Variants in NR2F1-AS1 observed in about 807,000 individuals in gnomAD.
NR2F1-AS1 encodes the protein NR2F1 regulatory antisense RNA 1.
intron 4 of NR2F1-AS1, among the ~76,000 whole-genome samples, chr5:93,464,627 G>A (rs1488482659): frequency 6.6e-6 from 1 of 152,128 alleles, no homozygotes; most frequent in African/African-American, 2.4e-5. Flanking sequence ...ATTTTAGTAG[G>A]AATATTCAGA....
intron 4 of NR2F1-AS1, among the ~76,000 whole-genome samples, chr5:93,490,717 T>G (rs1750820738): frequency 6.6e-6 from 1 of 150,894 alleles, no homozygotes; most frequent in African/African-American, 2.4e-5. Context: ...ATGGTGGTGG[T>G]GGTTGTTCCT....
chr5:93,515,533 A>G (rs912993697), intron 4 of NR2F1-AS1, among the ~76,000 whole-genome samples: 1 of 151,968 alleles, frequency 6.6e-6, no homozygotes, highest in Non-Finnish European at 1.5e-5. Flanking sequence ...TTTGATTAAC[A>G]TCTATCTCTT....
chr5:93,530,359 G>C (rs867869778), intron 4 of NR2F1-AS1, among the ~76,000 whole-genome samples: 1 of 152,148 alleles, frequency 6.6e-6, no homozygotes, highest in African/African-American at 2.4e-5. Flanking sequence ...TGGGATTGCA[G>C]GCGATTTGAA....
At chr5:93,510,561 G>A (rs903725292) in intron 4 of NR2F1-AS1, among the ~76,000 whole-genome samples, 12 of 152,062 alleles carry the variant, frequency 7.9e-5, no homozygotes, top group Non-Finnish European at 1.5e-4. Flanking sequence ...AGCTTTTTGT[G>A]ACTTTTAATG....
At chr5:93,523,265 C>T (rs1261390788) in intron 4 of NR2F1-AS1, among the ~76,000 whole-genome samples, 1 of 152,130 alleles carries the variant, frequency 6.6e-6, no homozygotes, top group Admixed American at 6.5e-5. Flanking sequence ...CAAGGCAGTA[C>T]AGCAAAGCCA....
intron 4 of NR2F1-AS1, among the ~76,000 whole-genome samples, chr5:93,494,244 G>A (rs1456007987): frequency 6.6e-6 from 1 of 152,152 alleles, no homozygotes; most frequent in East Asian, 1.9e-4. Context: ...GTAAGCACAT[G>A]AAAAGATGTT....
At chr5:93,574,575 G>A (rs1752850928) in intron 1 of NR2F1-AS1, among the ~76,000 whole-genome samples, 1 of 152,102 alleles carries the variant, frequency 6.6e-6, no homozygotes, top group African/African-American at 2.4e-5. Context: ...GGAGTGATTC[G>A]TGGAAAGAAA....
chr5:93,478,405 T>A (rs1750531413), intron 4 of NR2F1-AS1, among the ~76,000 whole-genome samples: 1 of 152,092 alleles, frequency 6.6e-6, no homozygotes. Context: ...TTTTTGTTTG[T>A]TTGTTTTTTG....
chr5:93,562,801 C>G (rs898967232), intron 2 of NR2F1-AS1, among the ~76,000 whole-genome samples: 2 of 152,106 alleles, frequency 1.3e-5, no homozygotes, highest in African/African-American at 4.8e-5. Flanking sequence ...TTATCTACTC[C>G]ACATGCCTTA....
At chr5:93,581,662 GTCTCGGTCTCTCTCTC>G (rs1753038038), upstream of NR2F1-AS1, among the ~76,000 whole-genome samples, 4 of 91,804 alleles carry the variant, frequency 4.4e-5, no homozygotes, top group Non-Finnish European at 4.4e-5. Context: ...AGGAATCGGG[GTCTCGGTCTCTCTCTC>G]TCTCTCTCTC....
chr5:93,489,572 A>T (rs1750795234), intron 4 of NR2F1-AS1, among the ~76,000 whole-genome samples: 1 of 152,142 alleles, frequency 6.6e-6, no homozygotes, highest in Non-Finnish European at 1.5e-5. Context: ...TTTCTGAGGT[A>T]TGCCTGTATT....
At chr5:93,461,838 AG>A (rs1750101427) in intron 4 of NR2F1-AS1, among the ~76,000 whole-genome samples, 1 of 152,196 alleles carries the variant, frequency 6.6e-6, no homozygotes, top group African/African-American at 2.4e-5. Context: ...TAATTTTACT[AG>A]ACAAGCTGAG....
chr5:93,568,060 T>C (rs1397357957), intron 1 of NR2F1-AS1, among the ~76,000 whole-genome samples: 2 of 152,218 alleles, frequency 1.3e-5, no homozygotes, highest in Non-Finnish European at 2.9e-5. Flanking sequence ...TTTGAGGTAC[T>C]TCTTCACACA....
At chr5:93,560,655 T>C (rs2149919044) in intron 2 of NR2F1-AS1, among the ~76,000 whole-genome samples, 1 of 152,360 alleles carries the variant, frequency 6.6e-6, no homozygotes, top group Middle Eastern at 3.4e-3. Context: ...TTATCTCTTT[T>C]AAATATAAAT....
rs570219644 is a variant in NR2F1-AS1 at position 93,560,171 on chromosome 5, A to C, written n.413+3193T>G. ...ATTAGATGATATATGAAATGTGCTTAACAGATATTAATAATAATAATAGGG... is the reference window on the plus strand; with the variant it reads ...ATTAGATGATATATGAAATGTGCTTCACAGATATTAATAATAATAATAGGG... On this transcript the variant is annotated intron_variant and non_coding_transcript_variant, in intron 2 of 5. Transcript: ENST00000660523. Among the ~76,000 whole-genome samples the C allele has an allele frequency of 5.5e-4, 84 of 152,334 alleles. 1 individual carries two copies. The highest frequency in any genetic ancestry group is 1.2e-3 in the Admixed American group (19 of 15,304).
chr5:93,565,436 A>G (rs2149923059), intron 1 of NR2F1-AS1, among the ~76,000 whole-genome samples: 1 of 152,252 alleles, frequency 6.6e-6, no homozygotes, highest in South Asian at 2.1e-4. Flanking sequence ...AAATTTATTT[A>G]CATCAAATTT....
intron 4 of NR2F1-AS1, among the ~76,000 whole-genome samples, chr5:93,500,005 T>C (rs748988920): frequency 6.6e-6 from 1 of 152,076 alleles, no homozygotes; most frequent in Non-Finnish European, 1.5e-5. Flanking sequence ...CTAGCAGAGG[T>C]TGGTTCACGA....
chr5:93,456,502 T>C (rs1015962918), intron 4 of NR2F1-AS1, among the ~76,000 whole-genome samples: 4 of 152,320 alleles, frequency 2.6e-5, no homozygotes, highest in Middle Eastern at 6.8e-3. Context: ...CCATACTATT[T>C]AAAGATGTTA....
chr5:93,463,155 C>A (rs941805392), intron 4 of NR2F1-AS1, among the ~76,000 whole-genome samples: 6 of 152,198 alleles, frequency 3.9e-5, no homozygotes, highest in African/African-American at 1.4e-4. Flanking sequence ...ATGGGCCATG[C>A]ACAGGGCCCC....
Sources: allele counts gnomAD v4.1 joint callset (sites outside exome capture counted in the v4.1 genomes callset), GRCh38; gene constraint gnomAD v4.1.1; transcripts MANE v1.5; gene names NCBI Gene and HGNC (gene_info 2026-07-23, HGNC 2026-07-21).